PIR: variants seen among roughly 807,000 people sequenced by gnomAD.
PIR encodes the protein pirin (iron-binding nuclear protein).
PIR carries 22 observed loss-of-function variants against 24.2 expected under a neutral mutation model. That is an observed-to-expected ratio of 0.91 (90% confidence interval 0.65 to 1.30). The LOEUF is 1.30. PIR is among the 50% of genes most tolerant of loss of function. PIR has a pLI of 0.00. For synonymous variants in PIR, 80 were observed against 79.6 expected (o/e 1.00, Z -0.03); for missense variants, 220 against 220.3 (o/e 1.00, Z 0.01).
rs376079777 is a variant in PIR, at chrX:15,491,261, G to A, written c.-4C>T. The A allele has an allele frequency of 1.5e-5, 17 of 1,163,803 alleles. No individual in the cohort carries two copies. The highest frequency in any genetic ancestry group is 1.8e-5 in the African/African-American group (1 of 55,783). On this transcript the variant is annotated 5_prime_UTR_variant, in exon 2 of 10. Coordinates refer to ENST00000380420, the MANE Select transcript of PIR (RefSeq NM_001018109.3). The stretch of plus-strand genomic sequence containing the variant: ...TAACTTTCTTGGAGGACCCCATATC[G>A]GAGTCTAAAAAGAGAGTGTTCTGAT...
chrX:15,407,225 C>T (rs1452449414), intron 7 of PIR, among the ~76,000 whole-genome samples: 3 of 111,865 alleles, frequency 2.7e-5, no homozygotes, highest in African/African-American at 6.5e-5. Context: ...AGGTTGCCAA[C>T]GTCTTAGCGA....
intron 3 of PIR, among the ~76,000 whole-genome samples, chrX:15,461,214 C>A (rs1921284613): frequency 8.9e-6 from 1 of 112,016 alleles, no homozygotes; most frequent in East Asian, 2.8e-4. Context: ...AAGGCTTGTT[C>A]ACACAGGTGT....
At chrX:15,461,252 A>G (rs1408809508) in intron 3 of PIR, among the ~76,000 whole-genome samples, 2 of 112,046 alleles carry the variant, frequency 1.8e-5, no homozygotes, top group African/African-American at 6.5e-5. Flanking sequence ...AGGTCTCCAC[A>G]CCACCAAAAA....
At position 15,386,510 on chromosome X, in the gene PIR, CA is replaced by C. The variant is rs764767970; in HGVS notation, c.761-1395del. On this transcript the variant is annotated intron_variant, in intron 9 of 9. Coordinates refer to ENST00000380420, the MANE Select transcript of PIR (RefSeq NM_001018109.3). ...AAATAAATGGCAGACTCCCTCTCCTCAAGGATTCAAATCTATCACACAGATA... is the reference window on the plus strand; with the variant it reads ...AAATAAATGGCAGACTCCCTCTCCTCAGGATTCAAATCTATCACACAGATA... Among the ~76,000 whole-genome samples, 3 of 112,253 alleles carry C rather than the reference CA, an allele frequency of 2.7e-5. No individual in the cohort carries two copies. In the East Asian group the frequency reaches 8.4e-4, roughly 31 times the overall value.
At chrX:15,404,774 G>T (rs1028820058) in intron 7 of PIR, among the ~76,000 whole-genome samples, 4 of 111,674 alleles carry the variant, frequency 3.6e-5, no homozygotes, top group Non-Finnish European at 7.5e-5. Flanking sequence ...CCCCATTAGG[G>T]TGTTGGTAGG....
chrX:15,456,462 C>T (rs1921088673), intron 4 of PIR, among the ~76,000 whole-genome samples: 2 of 112,535 alleles, frequency 1.8e-5, no homozygotes, highest in Admixed American at 1.9e-4. Flanking sequence ...ACTACAGAGG[C>T]TTTAGCCAAT....
chrX:15,459,968 A>G (rs1255331633), intron 3 of PIR, among the ~76,000 whole-genome samples: 3 of 110,511 alleles, frequency 2.7e-5, no homozygotes. Flanking sequence ...CCCAAGGAAG[A>G]CATACAAATG....
In PIR at chrX:15,484,306, CTTTT is replaced by C. The variant is rs1193474348; in HGVS notation, c.97-4489_97-4486del. 3.6e-4 allele frequency among the ~76,000 whole-genome samples: 24 copies of C among 67,486 alleles called. No individual in the cohort carries two copies. The East Asian group carries it at 4.3e-3, about 12-fold the overall frequency. The allele number at this position is 67,486 out of a possible 115,157, so 58.6% of individuals were successfully genotyped here. On this transcript the variant is annotated intron_variant, in intron 2 of 9. Transcript: ENST00000380420. ...GAGCGGTAGATACAGTCTCAATTTTCTTTTTTTTTTTTTTTTTTTTTTTTTTGAG... is the reference window on the plus strand; with the variant it reads ...GAGCGGTAGATACAGTCTCAATTTTCTTTTTTTTTTTTTTTTTTTTTTGAG...
intron 2 of PIR, among the ~76,000 whole-genome samples, chrX:15,485,060 A>G (rs1482679912): frequency 8.9e-6 from 1 of 112,508 alleles, no homozygotes; most frequent in Non-Finnish European, 1.9e-5. Context: ...CCATTTAATA[A>G]GGAGCCTTGT....
At chrX:15,392,680 G>T (rs145723606) in intron 8 of PIR, among the ~76,000 whole-genome samples, 1,295 of 111,426 alleles carry the variant, frequency 0.012, 23 homozygotes, top group African/African-American at 0.039. Context: ...CTCAGGGCTG[G>T]GGTCATTTAA....
intron 7 of PIR, among the ~76,000 whole-genome samples, chrX:15,399,703 A>G (rs1429198758): frequency 1.8e-5 from 2 of 111,998 alleles, no homozygotes; most frequent in African/African-American, 6.5e-5. Flanking sequence ...ATCTCAAAAT[A>G]TAGTTTATGT....
At chrX:15,408,365 G>T (rs144825885) in intron 6 of PIR, among the ~76,000 whole-genome samples, 385 of 111,356 alleles carry the variant, frequency 3.5e-3, no homozygotes, top group African/African-American at 0.012. Context: ...ATCAGTTCCA[G>T]GGATGCAGGA....
intron 2 of PIR, among the ~76,000 whole-genome samples, chrX:15,487,910 C>CT (rs775638413): frequency 8.9e-6 from 1 of 112,584 alleles, no homozygotes; most frequent in East Asian, 2.8e-4. Flanking sequence ...GTTGTAGACA[C>CT]TATGCTAAAA....
At chrX:15,484,526 G>A (rs1922704764) in intron 2 of PIR, among the ~76,000 whole-genome samples, 1 of 109,194 alleles carries the variant, frequency 9.2e-6, no homozygotes, top group Non-Finnish European at 1.9e-5. Flanking sequence ...TGTTGCTCAG[G>A]CTAGTCTCAA....
Position 15,407,558 on chromosome X carries a change from G to A in PIR, c.566-8C>T, listed in dbSNP as rs1924587253. On this transcript the variant is annotated splice_region_variant and splice_polypyrimidine_tract_variant and intron_variant, in intron 6 of 9. Transcript: ENST00000380420. ...AAATGAAGCTTGTCCACCCTGGAAA[G>A]GACCAGCAACATTAACATGTTAGTG... 4 of 1,180,060 alleles carry A rather than the reference G, an allele frequency of 3.4e-6. No homozygotes were observed. In the African/African-American group the frequency reaches 7.1e-5, roughly 21 times the overall value.
At chrX:15,412,220 C>T (rs747672073) in intron 6 of PIR, among the ~76,000 whole-genome samples, 75 of 111,904 alleles carry the variant, frequency 6.7e-4, no homozygotes, top group Non-Finnish European at 1.2e-3. Context: ...TGCGATCACA[C>T]GCTGCACTTA....
At chrX:15,475,920 T>G (rs938725430) in intron 3 of PIR, among the ~76,000 whole-genome samples, 5 of 112,220 alleles carry the variant, frequency 4.5e-5, no homozygotes, top group Non-Finnish European at 9.4e-5. Context: ...TTCAGGCAAA[T>G]TTTTAATAGA....
At chrX:15,483,157 C>T (rs867917166) in intron 2 of PIR, among the ~76,000 whole-genome samples, 3 of 53,906 alleles carry the variant, frequency 5.6e-5, no homozygotes, top group Admixed American at 1.9e-4. Context: ...ATAACATATA[C>T]ATTATACATA....
intron 5 of PIR, among the ~76,000 whole-genome samples, chrX:15,453,011 G>A (rs1441851361): frequency 8.9e-6 from 1 of 111,878 alleles, no homozygotes; most frequent in East Asian, 2.8e-4. Flanking sequence ...TTCCTGATGC[G>A]AAACAATCTT....
Sources: gnomAD v4.1 joint callset for allele counts (sites outside exome capture counted in the v4.1 genomes callset) on GRCh38, gnomAD v4.1.1 for gene constraint, MANE v1.5 for transcripts, NCBI Gene and HGNC (gene_info 2026-07-23, HGNC 2026-07-21) for gene names.